Variants in PUM2 observed in about 807,000 individuals in gnomAD.
PUM2 encodes pumilio RNA binding family member 2.
PUM2 carries 57 observed loss-of-function variants against 124.5 expected under a neutral mutation model. The observed-to-expected ratio is 0.46, with a 90% CI of 0.37 to 0.57. PUM2 has a LOEUF of 0.57. PUM2 is among the 20% of genes least tolerant of loss of function. The pLI, the probability that PUM2 is intolerant of heterozygous loss-of-function variation, is 0.00. For missense variants in PUM2, 1,065 were observed against 1,290.6 expected (o/e 0.83, Z 2.68); for synonymous variants, 460 against 446.1 (o/e 1.03, Z -0.39).
chr2:20,270,985 T>C (rs1413011960), intron 13 of PUM2, among the ~76,000 whole-genome samples: 1 of 152,170 alleles, frequency 6.6e-6, no homozygotes, highest in African/African-American at 2.4e-5. Flanking sequence ...CAGAATAAGA[T>C]TATGAAATAA....
intron 13 of PUM2, among the ~76,000 whole-genome samples, chr2:20,278,337 A>G (rs1405455577): frequency 6.6e-6 from 1 of 152,084 alleles, no homozygotes; most frequent in Non-Finnish European, 1.5e-5. Flanking sequence ...GACAAGAAAA[A>G]ACACACCATT....
chr2:20,321,143 A>G (rs1682241968), intron 2 of PUM2, among the ~76,000 whole-genome samples: 2 of 152,150 alleles, frequency 1.3e-5, no homozygotes, highest in Non-Finnish European at 1.5e-5. Context: ...ATGCTTTAAA[A>G]TGCAAATTGC....
At chr2:20,255,175 C>G in intron 18 of PUM2, 41 bp downstream of exon 18, 1 of 1,552,542 alleles carries the variant, frequency 6.4e-7, no homozygotes, top group South Asian at 1.2e-5. Flanking sequence ...AAACAATTTC[C>G]AAAAATATAT....
rs1334947865 is a variant in PUM2 at position 20,311,613 on chromosome 2, G to T, written c.399C>A (p.Gly133=). ...GGTCCTCCTCAAATGGAGAAGCCTT[G>T]CCTTTTTGATCTCCTTTCTCAGGTC... is the stretch of plus-strand genomic sequence containing the variant. The part of the protein sequence containing the change: ...TDGPEKGDQK[G]KASPFEEDQN... The change falls in exon 5 of 21, where the codon GGC becomes GGA. Residue 133 remains glycine, a synonymous_variant. Coordinates refer to ENST00000361078, the MANE Select transcript of PUM2 (RefSeq NM_015317.5). 7 of 1,613,292 alleles carry T rather than the reference G, an allele frequency of 4.3e-6. No individual in the cohort carries two copies. Among genetic ancestry groups the T allele is most frequent in the Non-Finnish European group, 5.9e-6 (7 of 1,179,578 alleles).
chr2:20,262,871 T>C (rs904783964), intron 14 of PUM2, among the ~76,000 whole-genome samples: 4 of 152,330 alleles, frequency 2.6e-5, no homozygotes, highest in African/African-American at 9.6e-5. Flanking sequence ...TTGCTATATT[T>C]TTTAAACACA....
At chr2:20,347,845 A>G (rs534919166) in intron 1 of PUM2, among the ~76,000 whole-genome samples, 4 of 152,320 alleles carry the variant, frequency 2.6e-5, no homozygotes, top group African/African-American at 9.6e-5. Flanking sequence ...TGGGGAGTCT[A>G]ACTTTGGTAG....
chr2:20,281,616 A>G (rs551954855), intron 12 of PUM2, among the ~76,000 whole-genome samples: 1 of 152,340 alleles, frequency 6.6e-6, no homozygotes, highest in African/African-American at 2.4e-5. Flanking sequence ...TGTGTTAGAA[A>G]CAAGGAATGA....
intron 1 of PUM2, among the ~76,000 whole-genome samples, chr2:20,343,062 C>T (rs10460445): frequency 0.29 from 44,649 of 151,866 alleles, 6,784 homozygotes; most frequent in Middle Eastern, 0.36. Flanking sequence ...AATCCTCCTG[C>T]CTCAACCTCT....
Position 20,273,300 on chromosome 2 carries a change from G to A in PUM2, c.1957+5283C>T, listed in dbSNP as rs542681828. On this transcript the variant is annotated intron_variant, in intron 13 of 20. Coordinates refer to ENST00000361078, the MANE Select transcript of PUM2 (RefSeq NM_015317.5). ...ATTGTAACGAGCAAACCCTGTTGCC[G>A]CACATTTGCAAACTGTTCACATCCT... Among the ~76,000 whole-genome samples, 128 of 152,258 alleles carry A rather than the reference G, an allele frequency of 8.4e-4. 1 individual carries two copies. The highest frequency in any genetic ancestry group is 3.0e-3 in the African/African-American group (126 of 41,542).
At chr2:20,312,088 G>T in intron 4 of PUM2, 148 bp downstream of exon 4, 2 of 695,992 alleles carry the variant, frequency 2.9e-6, no homozygotes, top group Non-Finnish European at 4.6e-6. Flanking sequence ...TTTTTCAAGT[G>T]GCTAAGCAGA....
chr2:20,304,390 T>C (rs1677722413), intron 7 of PUM2, among the ~76,000 whole-genome samples: 2 of 152,254 alleles, frequency 1.3e-5, no homozygotes, highest in South Asian at 4.1e-4. Context: ...AGCCTGCGTC[T>C]TACCTATTTT....
intron 1 of PUM2, among the ~76,000 whole-genome samples, chr2:20,348,710 G>T (rs982196609): frequency 6.6e-6 from 1 of 152,112 alleles, no homozygotes; most frequent in Non-Finnish European, 1.5e-5. Context: ...CGGGAGGATC[G>T]CTTGAGATCG....
In PUM2 at chr2:20,331,664, C is replaced by A. The variant is rs527416551; in HGVS notation, c.-18-4286G>T. The stretch of plus-strand genomic sequence containing the variant: ...GAAAAGAAAAGGAAAAAAAAACTAT[C>A]AGTAGTAGACATGAATTTTTCTCAA... On this transcript the variant is annotated intron_variant, in intron 1 of 20. Coordinates refer to ENST00000361078, the MANE Select transcript of PUM2 (RefSeq NM_015317.5). The A allele has an allele frequency of 7.5e-4, 114 of 151,004 alleles. 1 individual carries two copies. Among genetic ancestry groups the A allele is most frequent in the African/African-American group, 2.7e-3 (112 of 41,230 alleles). 9.4% of individuals were successfully genotyped at this position (151,004 alleles called of 1,614,324 possible). A position where few individuals can be genotyped will look rare whatever the true frequency, so the allele number is the denominator to read the frequency against.
intron 12 of PUM2, among the ~76,000 whole-genome samples, chr2:20,281,004 A>G (rs535250377): frequency 2.6e-5 from 4 of 152,286 alleles, no homozygotes; most frequent in African/African-American, 9.6e-5. Context: ...TGTTACTTGT[A>G]TATGTGTATA....
At chr2:20,306,795 C>T (rs74325183) in intron 7 of PUM2, among the ~76,000 whole-genome samples, 2 of 151,704 alleles carry the variant, frequency 1.3e-5, no homozygotes, top group East Asian at 2.0e-4. Flanking sequence ...TTTGTAGAGA[C>T]GGGGTTTCAC....
chr2:20,298,197 G>T (rs968473600), intron 7 of PUM2, among the ~76,000 whole-genome samples: 1 of 152,134 alleles, frequency 6.6e-6, no homozygotes, highest in Non-Finnish European at 1.5e-5. Flanking sequence ...AAGTGCTCTG[G>T]GCACAGAGAG....
intron 17 of PUM2, among the ~76,000 whole-genome samples, 155 bp downstream of exon 17, chr2:20,255,878 G>A (rs1424085604): frequency 6.6e-6 from 1 of 152,134 alleles, no homozygotes; most frequent in Non-Finnish European, 1.5e-5. Flanking sequence ...TACTGACTAT[G>A]AAAGAGGAAG....
intron 1 of PUM2, among the ~76,000 whole-genome samples, chr2:20,332,404 G>C (rs1038124689): frequency 7.1e-6 from 1 of 140,528 alleles, no homozygotes; most frequent in Non-Finnish European, 1.5e-5. Flanking sequence ...AGAGTAAAAA[G>C]ACTTAAAAAA....
At chr2:20,293,412 G>A (rs1674710246) in intron 9 of PUM2, among the ~76,000 whole-genome samples, 1 of 152,224 alleles carries the variant, frequency 6.6e-6, no homozygotes, top group Non-Finnish European at 1.5e-5. Flanking sequence ...CATCTATGTA[G>A]AATCAAAATA....
Sources: allele counts gnomAD v4.1 joint callset (sites outside exome capture counted in the v4.1 genomes callset), GRCh38; gene constraint gnomAD v4.1.1; transcripts MANE v1.5; gene names NCBI Gene and HGNC (gene_info 2026-07-23, HGNC 2026-07-21).